Variants in METTL21C observed in about 807,000 individuals in gnomAD.
METTL21C encodes methyltransferase 21C, AARS1 lysine.
Under a neutral mutation model 25.9 loss-of-function variants are expected in METTL21C, and 21 were observed. That is an observed-to-expected ratio of 0.81 (90% CI 0.58 to 1.17). The LOEUF (loss-of-function observed/expected upper bound fraction) is 1.17, where lower values mean the gene tolerates loss of function less well. Ranked by LOEUF, METTL21C falls within the 50% of genes most tolerant of loss-of-function variation. The pLI, the probability that METTL21C is intolerant of heterozygous loss-of-function variation, is 0.00. For missense variants in METTL21C, 312 were observed against 315.1 expected, an observed-to-expected ratio of 0.99 and a Z score of 0.07; for synonymous variants, 125 against 124.7, an observed-to-expected ratio of 1.00 and a Z score of -0.01.
intron 2 of METTL21C, among the ~76,000 whole-genome samples, chr13:102,688,958 A>T (rs1380993666): frequency 6.6e-6 from 1 of 151,976 alleles, no homozygotes; most frequent in East Asian, 1.9e-4. Flanking sequence ...GCGCCTTCCC[A>T]CTCTAGATGC....
intron 1 of METTL21C, among the ~76,000 whole-genome samples, chr13:102,691,841 C>T (rs1248049102): frequency 6.6e-6 from 1 of 152,172 alleles, no homozygotes; most frequent in African/African-American, 2.4e-5. Context: ...AAACCCATGA[C>T]CCATCTAGCA....
In METTL21C at chr13:102,686,052, C is replaced by T. The variant is rs1473936422; in HGVS notation, c.774G>A (p.Lys258=). The change falls in exon 4 of 4, where the codon AAG becomes AAA. Residue 258 remains lysine (K), a synonymous_variant. Transcript: ENST00000267273. ...EYPESSVKLF[K]GILKWD is the part of the protein sequence containing the mutation. ...GGATTTAGTCCCATTTTAGTATCCC[C>T]TTAAAAAGTTTGACTGATGACTCTG... The T allele has an allele frequency of 6.9e-6, 11 of 1,588,410 alleles. No individual in the cohort carries two copies. The highest frequency in any genetic ancestry group is 1.3e-5 in the African/African-American group (1 of 74,336).
intron 1 of METTL21C, among the ~76,000 whole-genome samples, chr13:102,692,425 G>A (rs907299418): frequency 7.2e-5 from 11 of 152,196 alleles, no homozygotes; most frequent in Non-Finnish European, 1.2e-4. Flanking sequence ...TTTAGAAACA[G>A]TCACAACCAT....
chr13:102,696,079 C>G (rs1284762563), upstream of METTL21C, among the ~76,000 whole-genome samples: 1 of 151,854 alleles, frequency 6.6e-6, no homozygotes, highest in African/African-American at 2.4e-5. Flanking sequence ...TTTGTATCAA[C>G]TTCTAGGCTT....
At chr13:102,701,704 C>T in the METTL21C span, among the ~76,000 whole-genome samples, 1 of 152,032 alleles carries the variant, frequency 6.6e-6, no homozygotes, top group Non-Finnish European at 1.5e-5. Context: ...AAGAAAAGTA[C>T]AAGGCACATG....
chr13:102,703,706 T>C, the METTL21C span, among the ~76,000 whole-genome samples: 1 of 152,206 alleles, frequency 6.6e-6, no homozygotes, highest in Non-Finnish European at 1.5e-5. Flanking sequence ...TGAAAATATA[T>C]AATTCAAAAT....
chr13:102,688,225 T>C (rs1885728646), intron 2 of METTL21C, among the ~76,000 whole-genome samples: 3 of 152,194 alleles, frequency 2.0e-5, no homozygotes, highest in Non-Finnish European at 4.4e-5. Flanking sequence ...GTGTCACTCT[T>C]AGGATTACCA....
At chr13:102,686,539 G>A in intron 3 of METTL21C, 114 bp from the exon 4 acceptor site, 4 of 1,262,932 alleles carry the variant, frequency 3.2e-6, no homozygotes, top group Non-Finnish European at 4.3e-6. Flanking sequence ...CTATTGGTGG[G>A]TGGGCTGGAC....
intron 2 of METTL21C, among the ~76,000 whole-genome samples, chr13:102,688,527 A>C (rs949379603): frequency 2.6e-5 from 4 of 152,240 alleles, no homozygotes; most frequent in Non-Finnish European, 5.9e-5. Flanking sequence ...GTGGAAGGCC[A>C]GGGCGGTGGG....
At chr13:102,694,300 T>C in intron 1 of METTL21C, 69 bp downstream of exon 1, 1 of 1,528,978 alleles carries the variant, frequency 6.5e-7, no homozygotes, top group Non-Finnish European at 8.9e-7. Context: ...TCACTGAAAT[T>C]TACTTGAAGA....
rs60010503 is a variant in METTL21C at position 102,694,929 on chromosome 13, C to CAT, written c.-432_-431insAT. Among the ~76,000 whole-genome samples the CAT allele has an allele frequency of 6.6e-6, 1 of 150,378 alleles. No homozygotes were observed. The highest frequency in any genetic ancestry group is 2.4e-5 in the African/African-American group (1 of 40,870). ...ACACACACACACACACACACACACA[C>CAT]GCACAGTCCTAGCAACATTCAATGG... On this transcript the variant is annotated 5_prime_UTR_variant, in exon 1 of 4. In the 5' UTR this introduces an upstream ATG that the reference lacks. Coordinates refer to ENST00000267273, the MANE Select transcript of METTL21C (RefSeq NM_001010977.3).
At chr13:102,693,908 T>G (rs183381889) in intron 1 of METTL21C, among the ~76,000 whole-genome samples, 2 of 152,370 alleles carry the variant, frequency 1.3e-5, no homozygotes, top group Admixed American at 1.3e-4. Flanking sequence ...TCATTTGTTA[T>G]GTCTATTATT....
At chr13:102,693,977 G>A (rs867952743) in intron 1 of METTL21C, among the ~76,000 whole-genome samples, 11 of 152,066 alleles carry the variant, frequency 7.2e-5, no homozygotes, top group Non-Finnish European at 7.4e-5. Flanking sequence ...TTGTCCTAAC[G>A]GGGAAATACA....
intron 2 of METTL21C, among the ~76,000 whole-genome samples, chr13:102,689,378 A>G (rs1489651601): frequency 6.6e-6 from 1 of 152,246 alleles, no homozygotes; most frequent in Non-Finnish European, 1.5e-5. Context: ...AATTATATGC[A>G]TAAGGTGTAA....
rs111474584 is a variant in METTL21C, at chr13:102,694,873, TTCTC to T, written c.-379_-376del. Among the ~76,000 whole-genome samples, 567 of 128,276 alleles carry T rather than the reference TTCTC, an allele frequency of 4.4e-3. 5 individuals are homozygous for T. Among genetic ancestry groups the T allele is most frequent in the African/African-American group, 0.015 (502 of 33,762 alleles). 84.2% of individuals were successfully genotyped at this position (128,276 alleles called of 152,430 possible). ...ATTACTTTGCTAGAATTCTCTCTCT[TTCTC>T]TCTCTCTCTCTCTCTCTCTCTCTCA... On this transcript the variant is annotated 5_prime_UTR_variant, in exon 1 of 4. Coordinates refer to ENST00000267273, the MANE Select transcript of METTL21C (RefSeq NM_001010977.3).
At chr13:102,692,052 G>C (rs1244062965) in intron 1 of METTL21C, among the ~76,000 whole-genome samples, 1 of 152,212 alleles carries the variant, frequency 6.6e-6, no homozygotes, top group Non-Finnish European at 1.5e-5. Flanking sequence ...GAGAGTAGGG[G>C]GGAGGAAGGT....
At chr13:102,694,242 C>G in intron 1 of METTL21C, 127 bp downstream of exon 1, 1 of 1,072,276 alleles carries the variant, frequency 9.3e-7, no homozygotes, top group East Asian at 2.7e-5. Flanking sequence ...TTCTGCTAAG[C>G]TTCATTATAG....
At chr13:102,701,810 A>C in the METTL21C span, among the ~76,000 whole-genome samples, 1 of 152,186 alleles carries the variant, frequency 6.6e-6, no homozygotes, top group Non-Finnish European at 1.5e-5. Flanking sequence ...ATCTTGAAAG[A>C]TATATAAAAA....
chr13:102,703,044 C>T, the METTL21C span, among the ~76,000 whole-genome samples: 1 of 152,182 alleles, frequency 6.6e-6, no homozygotes, highest in East Asian at 1.9e-4. Flanking sequence ...AAGATCTTTC[C>T]CTGTAATTGA....
Sources: allele counts gnomAD v4.1 joint callset (sites outside exome capture counted in the v4.1 genomes callset), GRCh38; gene constraint gnomAD v4.1.1; transcripts MANE v1.5; gene names NCBI Gene and HGNC (gene_info 2026-07-23, HGNC 2026-07-21).